The following UHRF1 variants were observed in gnomAD, a reference collection of about 807,000 sequenced individuals.
UHRF1 encodes the protein ubiquitin like with PHD and ring finger domains 1.
A neutral mutation model predicts 96.5 loss-of-function variants in UHRF1; 9 were observed. That is an observed-to-expected ratio of 0.09 (90% CI 0.06 to 0.16). The LOEUF is 0.16. UHRF1 is among the 10% of genes least tolerant of loss of function. The probability of loss-of-function intolerance (pLI) is 1.00; values close to 1 mark genes in which losing one functional copy is unlikely to be tolerated. For missense variants in UHRF1, 626 were observed against 1,131.1 expected (o/e 0.55, Z 6.40); for synonymous variants, 455 against 469.9 (o/e 0.97, Z 0.41).
chr19:4,934,365 C>G (rs2033155318), intron 5 of UHRF1, among the ~76,000 whole-genome samples: 1 of 152,160 alleles, frequency 6.6e-6, no homozygotes, highest in South Asian at 2.1e-4. Flanking sequence ...TGTTTAAGCG[C>G]ACAGTTCGGT....
chr19:4,916,296 A>C (rs1375510474), intron 2 of UHRF1, among the ~76,000 whole-genome samples: 1 of 147,800 alleles, frequency 6.8e-6, no homozygotes, highest in Non-Finnish European at 1.5e-5. Context: ...ACAGAGCGAG[A>C]CTTTGTCTCA....
At chr19:4,910,616 T>C in intron 1 of UHRF1, 1 of 368,946 alleles carries the variant, frequency 2.7e-6, no homozygotes, top group Non-Finnish European at 4.8e-6. Flanking sequence ...GGTTGGACCT[T>C]CTGCTTTTCT....
At chr19:4,910,736 G>A in intron 1 of UHRF1, 140 bp from the exon 2 acceptor site, 2 of 1,002,782 alleles carry the variant, frequency 2.0e-6, no homozygotes, top group Admixed American at 2.8e-5. Context: ...GGGTCTGGCT[G>A]TACAGGAGGA....
chr19:4,919,739 A>G (rs1243459180), intron 2 of UHRF1, among the ~76,000 whole-genome samples: 1 of 152,162 alleles, frequency 6.6e-6, no homozygotes, highest in East Asian at 1.9e-4. Context: ...GGGACATTCA[A>G]CTTCACTAGG....
Position 4,944,222 on chromosome 19 carries a change from G to T in UHRF1, c.1164G>T (p.Ser388=). ...RESKKKAKMA[S]ATSSSQRDWG... Reference sequence around the variant, plus strand: ...GCAAGAAGAAGGCGAAGATGGCCTCGGCCACATCGTCCTCACAGCGGGACT... The same window carrying T: ...GCAAGAAGAAGGCGAAGATGGCCTCTGCCACATCGTCCTCACAGCGGGACT... The change falls in exon 8 of 17, where the codon TCG becomes TCT. Residue 388 remains serine, a synonymous_variant. Coordinates refer to ENST00000650932, the MANE Select transcript of UHRF1 (RefSeq NM_001048201.3). The T allele has an allele frequency of 1.2e-6, 2 of 1,614,038 alleles. No individual in the cohort carries two copies. Among genetic ancestry groups the T allele is most frequent in the East Asian group, 2.2e-5 (1 of 44,886 alleles).
At chr19:4,941,958 G>C in intron 7 of UHRF1, 27 bp downstream of exon 7, 1 of 1,462,136 alleles carries the variant, frequency 6.8e-7, no homozygotes, top group South Asian at 1.5e-5. Context: ...CCGCCGCGGG[G>C]AGACCAGAGC....
Position 4,954,741 on chromosome 19 carries a change from C to T in UHRF1, c.2049C>T (p.Leu683=). ...PYSLTAQQSS[L]IREDKSNAKL... ...GTCTCACGGCCCAGCAGAGCAGCCT[C>T]ATCAGAGAGGACAAGAGCAACGCCA... is the stretch of plus-strand genomic sequence containing the variant. The change falls in exon 15 of 17, where the codon CTC becomes CTT. Residue 683 remains leucine, a synonymous_variant. Coordinates refer to ENST00000650932, the MANE Select transcript of UHRF1 (RefSeq NM_001048201.3). This position sits in a 1 kb window ranked among gnomAD's most constrained non-coding sequence, Gnocchi z 5.9. 6.2e-7 allele frequency: 1 copy of T among 1,613,864 alleles called. No homozygotes were observed. Among genetic ancestry groups the T allele is most frequent in the Non-Finnish European group, 8.5e-7 (1 of 1,179,846 alleles).
intron 3 of UHRF1, 150 bp downstream of exon 3, chr19:4,929,626 C>T (rs2032986829): frequency 8.9e-7 from 1 of 1,122,484 alleles, no homozygotes; most frequent in Non-Finnish European, 1.2e-6. Context: ...CCTGCACGTT[C>T]CTTGAGGGGA....
upstream of UHRF1, among the ~76,000 whole-genome samples, chr19:4,906,979 T>C (rs148142225): frequency 4.8e-4 from 73 of 152,264 alleles, no homozygotes; most frequent in Non-Finnish European, 9.6e-4. Context: ...GGTCTAGAAT[T>C]GTGTGCAGTA....
chr19:4,933,957 TTGTGTGTGTGTGTGCGTG>T (rs1208559145), intron 5 of UHRF1, among the ~76,000 whole-genome samples: 7 of 97,700 alleles, frequency 7.2e-5, no homozygotes, highest in Non-Finnish European at 1.5e-4. Context: ...CCTTGCCTCT[TTGTGTGTGTGTGTGCGTG>T]TGTGTGTGTG....
At chr19:4,917,103 A>C (rs560358909) in intron 2 of UHRF1, among the ~76,000 whole-genome samples, 14 of 128,498 alleles carry the variant, frequency 1.1e-4, no homozygotes, top group African/African-American at 4.1e-4. Flanking sequence ...TTTTAGTCTT[A>C]AGTTTTCGTT....
upstream of UHRF1, among the ~76,000 whole-genome samples, chr19:4,906,735 A>G (rs1280328402): frequency 6.6e-6 from 1 of 152,212 alleles, no homozygotes; most frequent in Non-Finnish European, 1.5e-5. Flanking sequence ...GCTGGGCACC[A>G]AAGCAAGACT....
intron 11 of UHRF1, among the ~76,000 whole-genome samples, chr19:4,949,122 A>C (rs1599292878): frequency 3.1e-5 from 1 of 32,560 alleles, no homozygotes; most frequent in South Asian, 7.2e-4. Context: ...GTGACAGAGC[A>C]AAAAAAAAAA....
At chr19:4,918,841 C>A (rs899389743) in intron 2 of UHRF1, among the ~76,000 whole-genome samples, 1 of 151,440 alleles carries the variant, frequency 6.6e-6, no homozygotes, top group Non-Finnish European at 1.5e-5. Context: ...CTGCCTCAGC[C>A]TCGCAAGTAG....
chr19:4,949,426 T>G (rs972799072), intron 11 of UHRF1, among the ~76,000 whole-genome samples: 1 of 151,892 alleles, frequency 6.6e-6, no homozygotes. Flanking sequence ...GGTAAAAATG[T>G]AAGATGTAAT....
intron 5 of UHRF1, among the ~76,000 whole-genome samples, chr19:4,938,508 A>C (rs926016045): frequency 1.3e-5 from 2 of 151,806 alleles, no homozygotes; most frequent in Non-Finnish European, 2.9e-5. Flanking sequence ...TTGTACAGCA[A>C]GAATAAGACA....
chr19:4,911,703 G>A (rs562200681), intron 2 of UHRF1, among the ~76,000 whole-genome samples: 5 of 152,148 alleles, frequency 3.3e-5, no homozygotes, highest in Non-Finnish European at 5.9e-5. Flanking sequence ...TAGCTGCCAC[G>A]TTTGGGGCGC....
In UHRF1 at chr19:4,942,205, T is replaced by G. The variant is rs183676246; in HGVS notation, c.1073+274T>G. 3.0e-4 allele frequency among the ~76,000 whole-genome samples: 46 copies of G among 152,138 alleles called. No homozygotes were observed. In the East Asian group the frequency reaches 7.3e-3, roughly 24 times the overall value. Reference sequence around the variant, plus strand: ...TTTTCTTTTCTTTTTCTTTTCTTTTTTTTTTGCGGCGGAGTCTCGCTGTCT... The same window carrying G: ...TTTTCTTTTCTTTTTCTTTTCTTTTGTTTTTGCGGCGGAGTCTCGCTGTCT... On this transcript the variant is annotated intron_variant, in intron 7 of 16. Coordinates refer to ENST00000650932, the MANE Select transcript of UHRF1 (RefSeq NM_001048201.3).
chr19:4,904,372 G>T (rs934927728), intron 1 of UHRF1, among the ~76,000 whole-genome samples: 1 of 152,074 alleles, frequency 6.6e-6, no homozygotes, highest in Non-Finnish European at 1.5e-5. Context: ...GTAGAGACGG[G>T]GTTTCATCAT....
Sources: gnomAD v4.1 joint callset for allele counts (sites outside exome capture counted in the v4.1 genomes callset) on GRCh38, gnomAD v4.1.1 for gene constraint, Gnocchi (gnomAD v3.1) non-coding constraint, MANE v1.5 for transcripts, NCBI Gene and HGNC (gene_info 2026-07-23, HGNC 2026-07-21) for gene names.